P4HA1: variants seen among roughly 807,000 people sequenced by gnomAD.
P4HA1 encodes the protein prolyl 4-hydroxylase subunit alpha-1.
A neutral mutation model predicts 72.8 loss-of-function variants in P4HA1; 24 were observed. The observed-to-expected ratio is 0.33, with a 90% CI of 0.24 to 0.46. The LOEUF is 0.46. Ranked by LOEUF, P4HA1 falls within the 20% of genes least tolerant of loss-of-function variation. P4HA1 has a pLI of 1.00. For missense variants in P4HA1, 446 were observed against 640.6 expected (o/e 0.70, Z 3.28); for synonymous variants, 201 against 218.8 (o/e 0.92, Z 0.72).
chr10:73,068,611 A>C (rs993319578), intron 5 of P4HA1, among the ~76,000 whole-genome samples: 2 of 151,670 alleles, frequency 1.3e-5, no homozygotes, highest in African/African-American at 4.9e-5. Context: ...TTCCCTACTT[A>C]AGTTAGTCTC....
rs182640881 is a variant in P4HA1, at chr10:73,050,726, G to C, written c.900+327C>G. On this transcript the variant is annotated intron_variant, in intron 7 of 14. Transcript: ENST00000394890. ...AAAAAAAAAAAAAAAGTTTTTTAGA[G>C]ACAGGGTCTTATTCTGTAGCCCAGG... Among the ~76,000 whole-genome samples, 359 of 151,646 alleles carry C rather than the reference G, an allele frequency of 2.4e-3. 1 individual carries two copies. The highest frequency in any genetic ancestry group is 8.1e-3 in the African/African-American group (335 of 41,332).
Position 73,088,643 on chromosome 10 carries a change from C to A in P4HA1, c.-33+8123G>T, listed in dbSNP as rs371063114. Among the ~76,000 whole-genome samples, 192 of 152,272 alleles carry A rather than the reference C, an allele frequency of 1.3e-3. 5 individuals carry two copies. The South Asian group carries it at 0.038, about 30-fold the overall frequency. On this transcript the variant is annotated intron_variant, in intron 1 of 14. Coordinates refer to ENST00000394890, the MANE Select transcript of P4HA1 (RefSeq NM_001017962.3). ...CACTGGTGGATTCATGTCACTTGTC[C>A]CAATATTCACATAAATTCCTGGGCA...
chr10:73,088,157 T>C (rs1294271521), intron 1 of P4HA1, among the ~76,000 whole-genome samples: 1 of 152,100 alleles, frequency 6.6e-6, no homozygotes, highest in Non-Finnish European at 1.5e-5. Flanking sequence ...CCTCCCAAAA[T>C]GCTGGGATTA....
intron 10 of P4HA1, among the ~76,000 whole-genome samples, chr10:73,021,676 C>T (rs1191436726): frequency 6.6e-6 from 1 of 152,212 alleles, no homozygotes; most frequent in East Asian, 1.9e-4. Context: ...TGAGCCAAAG[C>T]AGGGCGGGGC....
intron 10 of P4HA1, among the ~76,000 whole-genome samples, chr10:73,021,959 G>C (rs1840145889): frequency 6.6e-6 from 1 of 152,212 alleles, no homozygotes; most frequent in South Asian, 2.1e-4. Flanking sequence ...CCATTGCTGA[G>C]GCTTGATTAG....
chr10:73,073,296 A>T (rs1255947320), intron 3 of P4HA1, among the ~76,000 whole-genome samples: 3 of 137,120 alleles, frequency 2.2e-5, no homozygotes, highest in Admixed American at 1.6e-4. Context: ...ATCTTGGCTC[A>T]CTGCAGCCTC....
rs539069792 is a variant in P4HA1, at chr10:73,090,955, G to A, written c.-33+5811C>T. 6.8e-4 allele frequency among the ~76,000 whole-genome samples: 102 copies of A among 151,102 alleles called. 1 individual carries two copies. Among genetic ancestry groups the A allele is most frequent in the African/African-American group, 2.2e-3 (92 of 41,184 alleles). On this transcript the variant is annotated intron_variant, in intron 1 of 14. Coordinates refer to ENST00000394890, the MANE Select transcript of P4HA1 (RefSeq NM_001017962.3). ...CGGGTGCCTGTAATCCCAGCTACTCGGGAGGCTGAGGCAGAGAATTGCTTG... is the reference window on the plus strand; with the variant it reads ...CGGGTGCCTGTAATCCCAGCTACTCAGGAGGCTGAGGCAGAGAATTGCTTG...
intron 1 of P4HA1, among the ~76,000 whole-genome samples, chr10:73,096,131 G>C (rs1395972862): frequency 3.3e-5 from 5 of 152,184 alleles, no homozygotes; most frequent in Non-Finnish European, 7.3e-5. Flanking sequence ...CTACTTCCTC[G>C]GCGCTACGAG....
At chr10:73,035,543 A>G (rs1840549773) in intron 9 of P4HA1, among the ~76,000 whole-genome samples, 1 of 152,184 alleles carries the variant, frequency 6.6e-6, no homozygotes. Context: ...CACCACCACA[A>G]ACTTTTAATT....
chr10:73,033,878 A>G (rs1353045095), intron 9 of P4HA1, among the ~76,000 whole-genome samples: 3 of 152,238 alleles, frequency 2.0e-5, no homozygotes, highest in African/African-American at 7.2e-5. Context: ...AATAAATGGG[A>G]CATTATCCAA....
chr10:73,068,057 T>A (rs892590523), intron 5 of P4HA1, among the ~76,000 whole-genome samples: 1 of 152,208 alleles, frequency 6.6e-6, no homozygotes, highest in African/African-American at 2.4e-5. Context: ...TTTGCAAATT[T>A]GTACATTTTT....
intron 13 of P4HA1, 24 bp from the exon 14 acceptor site, chr10:73,009,927 T>A: frequency 7.8e-7 from 1 of 1,278,328 alleles, no homozygotes; most frequent in Admixed American, 1.7e-5. Context: ...TTCACAATTA[T>A]CCCCAAGTAT....
chr10:73,013,288 G>A (rs1190575894), intron 12 of P4HA1, among the ~76,000 whole-genome samples: 1 of 152,200 alleles, frequency 6.6e-6, no homozygotes, highest in East Asian at 1.9e-4. Flanking sequence ...ACAGAATACA[G>A]CAAAATTAAC....
At chr10:73,024,444 T>A (rs113480034) in intron 10 of P4HA1, among the ~76,000 whole-genome samples, 16 of 152,222 alleles carry the variant, frequency 1.1e-4, no homozygotes, top group African/African-American at 3.6e-4. Context: ...TTGAAACCAA[T>A]GAGAACAAAG....
intron 10 of P4HA1, among the ~76,000 whole-genome samples, chr10:73,023,961 CCAATA>C (rs1312796221): frequency 6.6e-6 from 1 of 152,056 alleles, no homozygotes; most frequent in Non-Finnish European, 1.5e-5. Context: ...ATATATGCAC[CCAATA>C]CAGGGGCACC....
intron 8 of P4HA1, among the ~76,000 whole-genome samples, chr10:73,046,309 T>C (rs1297321184): frequency 2.6e-5 from 4 of 152,178 alleles, no homozygotes; most frequent in African/African-American, 9.6e-5. Context: ...AAGAACAAGC[T>C]GATGGGGGAA....
At position 73,030,312 on chromosome 10, in the gene P4HA1, C is replaced by G; in HGVS notation, c.1207G>C (p.Asp403His). 1 of 1,576,054 alleles carries G rather than the reference C, an allele frequency of 6.3e-7. No individual in the cohort carries two copies. Among genetic ancestry groups the G allele is most frequent in the Non-Finnish European group, 8.7e-7 (1 of 1,154,272 alleles). ...VVSRINMRIQDLTGLDVSTAE... is the reference protein window; with the variant it reads ...VVSRINMRIQHLTGLDVSTAE... ...GTGGAAACATCTAGTCCTGTTAGAT[C>G]TTGTATTCTCATATTAATTCGAGAC... The change falls in exon 10 of 15, where the codon GAT (aspartate) becomes CAT (histidine). Residue 403 changes from aspartate (D) to histidine (H), a missense_variant. Physicochemically the swap from Asp to His is moderately conservative, Grantham distance 81. Transcript: ENST00000394890.
At chr10:73,057,928 A>C (rs180957466) in intron 5 of P4HA1, among the ~76,000 whole-genome samples, 5 of 151,896 alleles carry the variant, frequency 3.3e-5, no homozygotes, top group Admixed American at 2.6e-4. Flanking sequence ...CGTCTTTACT[A>C]AAAATACAAA....
At chr10:73,044,727 A>C (rs750043837) in intron 9 of P4HA1, among the ~76,000 whole-genome samples, 7 of 152,212 alleles carry the variant, frequency 4.6e-5, no homozygotes, top group Non-Finnish European at 8.8e-5. Context: ...TTGACACCTG[A>C]TCTGAAGAAA....
Sources: gnomAD v4.1 joint callset for allele counts (sites outside exome capture counted in the v4.1 genomes callset) on GRCh38, gnomAD v4.1.1 for gene constraint, MANE v1.5 for transcripts, NCBI Gene and HGNC (gene_info 2026-07-23, HGNC 2026-07-21) for gene names.